Variants in NAALADL2 observed in about 807,000 individuals in gnomAD.
The protein encoded by NAALADL2 is N-acetylated alpha-linked acidic dipeptidase like 2.
Under a neutral mutation model 87.2 loss-of-function variants are expected in NAALADL2, and 76 were observed. That is an observed-to-expected ratio of 0.87 (90% confidence interval 0.72 to 1.05). The LOEUF (loss-of-function observed/expected upper bound fraction) is 1.05. Ranked by LOEUF, NAALADL2 falls within the 50% of genes least tolerant of loss-of-function variation. The pLI is 0.00. For missense variants in NAALADL2, 1,089 were observed against 945.8 expected, an observed-to-expected ratio of 1.15 and a Z score of -1.99; for synonymous variants, 354 against 331.0, an observed-to-expected ratio of 1.07 and a Z score of -0.75.
chr3:174,994,660 G>A (rs1290875557), intron 1 of NAALADL2, among the ~76,000 whole-genome samples: 2 of 151,444 alleles, frequency 1.3e-5, no homozygotes, highest in Non-Finnish European at 2.9e-5. Context: ...CAATATGTAA[G>A]AGAATAGTAA....
chr3:175,259,296 G>C (rs535000160), intron 4 of NAALADL2, among the ~76,000 whole-genome samples: 3 of 152,168 alleles, frequency 2.0e-5, no homozygotes, highest in African/African-American at 7.2e-5. Context: ...GCAGACCTGA[G>C]CTGGTGGAGG....
chr3:174,464,171 G>T (rs1051993282), intron 1 of NAALADL2, among the ~76,000 whole-genome samples: 1 of 151,718 alleles, frequency 6.6e-6, no homozygotes, highest in African/African-American at 2.4e-5. Context: ...ATTTTCTTTG[G>T]TTTGGAAACT....
intron 2 of NAALADL2, among the ~76,000 whole-genome samples, chr3:174,664,662 A>G (rs1725804105): frequency 6.6e-6 from 1 of 151,888 alleles, no homozygotes. Flanking sequence ...GTGATGGGCA[A>G]TTTAATGGTC....
chr3:175,558,663 C>T (rs922795055), intron 9 of NAALADL2, among the ~76,000 whole-genome samples: 6 of 152,112 alleles, frequency 3.9e-5, no homozygotes, highest in African/African-American at 7.2e-5. Flanking sequence ...TTCCCAGAAT[C>T]ATTTATTGAA....
At chr3:174,934,755 A>G (rs1254961433) in intron 1 of NAALADL2, among the ~76,000 whole-genome samples, 1 of 152,170 alleles carries the variant, frequency 6.6e-6, no homozygotes, top group African/African-American at 2.4e-5. Flanking sequence ...ACAACAAAAC[A>G]TGATTCTTGT....
chr3:175,109,657 T>C lies in NAALADL2; in HGVS notation c.545+12366T>C, dbSNP rs113536083. Among the ~76,000 whole-genome samples the C allele has an allele frequency of 4.1e-3, 619 of 152,002 alleles. 3 individuals carry two copies. The highest frequency in any genetic ancestry group is 0.013 in the African/African-American group (536 of 41,524). On this transcript the variant is annotated intron_variant, in intron 2 of 13. Transcript: ENST00000454872. ...AGTTCAACTTCAAACGAACACTTACTGTGCTCTATGAGGGTGGATCAGCCC... is the reference window on the plus strand; with the variant it reads ...AGTTCAACTTCAAACGAACACTTACCGTGCTCTATGAGGGTGGATCAGCCC...
At chr3:175,398,980 G>C (rs547951733) in intron 5 of NAALADL2, among the ~76,000 whole-genome samples, 1 of 151,882 alleles carries the variant, frequency 6.6e-6, no homozygotes, top group East Asian at 1.9e-4. Flanking sequence ...AAACAGAGTA[G>C]AGCATTCTCG....
chr3:175,722,611 A>G (rs966968766), intron 11 of NAALADL2, among the ~76,000 whole-genome samples: 3 of 152,142 alleles, frequency 2.0e-5, no homozygotes, highest in Admixed American at 6.6e-5. Flanking sequence ...GCTGTTTTCC[A>G]CTAAATAAAT....
intron 1 of NAALADL2, among the ~76,000 whole-genome samples, chr3:175,053,442 T>C (rs925342467): frequency 3.3e-5 from 5 of 152,146 alleles, no homozygotes; most frequent in African/African-American, 9.7e-5. Context: ...CTTGTGACAG[T>C]TGGGATCCTC....
chr3:175,487,734 C>G (rs1387624554), intron 9 of NAALADL2: 2 of 297,844 alleles, frequency 6.7e-6, no homozygotes, highest in Non-Finnish European at 1.3e-5. Context: ...AGTGTCTGAA[C>G]AACTTAATGT....
At chr3:175,435,619 A>G (rs955678132) in intron 5 of NAALADL2, among the ~76,000 whole-genome samples, 1 of 152,090 alleles carries the variant, frequency 6.6e-6, no homozygotes, top group African/African-American at 2.4e-5. Context: ...GTTGGAGGGA[A>G]GAGAATGATG....
At chr3:174,725,923 GT>G (rs1732139232) in intron 2 of NAALADL2, among the ~76,000 whole-genome samples, 1 of 152,184 alleles carries the variant, frequency 6.6e-6, no homozygotes, top group Non-Finnish European at 1.5e-5. Flanking sequence ...CAGGAGATCA[GT>G]TTGAATAAAG....
intron 11 of NAALADL2, among the ~76,000 whole-genome samples, chr3:175,663,365 G>T (rs1223043029): frequency 1.3e-5 from 2 of 151,598 alleles, no homozygotes; most frequent in African/African-American, 2.4e-5. Flanking sequence ...AATAGTCTCT[G>T]ACAAGCCTTT....
intron 4 of NAALADL2, among the ~76,000 whole-genome samples, chr3:175,295,867 T>C (rs1056347461): frequency 6.6e-6 from 1 of 152,060 alleles, no homozygotes; most frequent in Non-Finnish European, 1.5e-5. Flanking sequence ...TCATTTATCG[T>C]TCCTTGCCTC....
intron 3 of NAALADL2, among the ~76,000 whole-genome samples, chr3:174,809,705 C>A (rs1354022691): frequency 1.3e-5 from 2 of 151,960 alleles, no homozygotes; most frequent in Admixed American, 6.6e-5. Context: ...ATTTAAGTAA[C>A]ATTAACATAG....
chr3:174,570,301 A>C (rs2108532780), intron 2 of NAALADL2, among the ~76,000 whole-genome samples: 1 of 152,106 alleles, frequency 6.6e-6, no homozygotes, highest in Admixed American at 6.5e-5. Context: ...GATTTTTATA[A>C]AATTTAAACA....
At chr3:175,395,748 A>C (rs1769697073) in intron 5 of NAALADL2, among the ~76,000 whole-genome samples, 1 of 152,222 alleles carries the variant, frequency 6.6e-6, no homozygotes, top group Non-Finnish European at 1.5e-5. Flanking sequence ...AATGATAGCT[A>C]TCCATCTCTG....
At chr3:175,283,297 T>A (rs1414179857) in intron 4 of NAALADL2, among the ~76,000 whole-genome samples, 1 of 152,112 alleles carries the variant, frequency 6.6e-6, no homozygotes, top group Non-Finnish European at 1.5e-5. Context: ...TCAAATCAAA[T>A]GTGATTGACT....
chr3:174,640,468 G>T (rs1361128606), intron 2 of NAALADL2, among the ~76,000 whole-genome samples: 1 of 152,088 alleles, frequency 6.6e-6, no homozygotes, highest in Non-Finnish European at 1.5e-5. Context: ...TGTGTGTGTG[G>T]AAGGGAAAAA....
Sources: allele counts gnomAD v4.1 joint callset (sites outside exome capture counted in the v4.1 genomes callset), GRCh38; gene constraint gnomAD v4.1.1; transcripts MANE v1.5; gene names NCBI Gene and HGNC (gene_info 2026-07-23, HGNC 2026-07-21).